Variants in CPLX4 observed in about 807,000 individuals in gnomAD.
CPLX4 encodes the protein complexin-4.
CPLX4 carries 17 observed loss-of-function variants against 16.1 expected under a neutral mutation model. The observed-to-expected ratio is 1.06, with a 90% confidence interval of 0.72 to 1.59. CPLX4 has a LOEUF of 1.59. CPLX4 is among the 40% of genes most tolerant of loss of function. CPLX4 has a pLI of 0.00. For missense variants in CPLX4, 193 were observed against 192.9 expected, an observed-to-expected ratio of 1.00 and a Z score of 0.00; for synonymous variants, 55 against 57.8, an observed-to-expected ratio of 0.95 and a Z score of 0.22.
intron 1 of CPLX4, among the ~76,000 whole-genome samples, chr18:59,317,275 G>C (rs990165773): frequency 6.6e-6 from 1 of 151,884 alleles, no homozygotes; most frequent in Non-Finnish European, 1.5e-5. Flanking sequence ...AAGAGTCCTG[G>C]TGGCAAAAAA....
intron 2 of CPLX4, among the ~76,000 whole-genome samples, chr18:59,299,475 GAA>G (rs2070524795): frequency 6.6e-6 from 1 of 152,198 alleles, no homozygotes; most frequent in East Asian, 1.9e-4. Context: ...GGGGCTAGAG[GAA>G]AGCGTGTCAG....
At position 59,313,444 on chromosome 18, in the gene CPLX4, G is replaced by C. The variant is rs80138173; in HGVS notation, c.168-672C>G. Among the ~76,000 whole-genome samples the C allele has an allele frequency of 9.4e-3, 1,430 of 152,302 alleles. 28 individuals carry two copies. The highest frequency in any genetic ancestry group is 0.033 in the African/African-American group (1,361 of 41,558). On this transcript the variant is annotated intron_variant, in intron 1 of 2. Coordinates refer to ENST00000299721, the MANE Select transcript of CPLX4 (RefSeq NM_181654.4). ...GTGTGAATGATCTAATTGAACTCAT[G>C]ATGTTGCTGGTTTGAAATGGACGTT...
chr18:59,311,886 A>T (rs969663336), intron 2 of CPLX4, among the ~76,000 whole-genome samples: 1 of 152,138 alleles, frequency 6.6e-6, no homozygotes, highest in African/African-American at 2.4e-5. Context: ...TACAGCAGTC[A>T]CCCTCAGCCA....
At chr18:59,313,262 G>A (rs2070630072) in intron 1 of CPLX4, among the ~76,000 whole-genome samples, 1 of 152,174 alleles carries the variant, frequency 6.6e-6, no homozygotes, top group Admixed American at 6.5e-5. Flanking sequence ...GTTCTTTGAA[G>A]ACCGTTGTTG....
intron 2 of CPLX4, among the ~76,000 whole-genome samples, chr18:59,307,700 G>A (rs2070586202): frequency 6.6e-6 from 1 of 151,360 alleles, no homozygotes; most frequent in African/African-American, 2.4e-5. Context: ...GCTCCTTAAT[G>A]AAGCATCTAG....
chr18:59,312,683 AC>A lies in CPLX4; in HGVS notation c.255+1del. 1 of 1,197,584 alleles carries A rather than the reference AC, an allele frequency of 8.4e-7. No homozygotes were observed. The highest frequency in any genetic ancestry group is 1.2e-5 in the South Asian group (1 of 82,692). The allele number at this position is 1,197,584 out of a possible 1,614,324, so 74.2% of individuals were successfully genotyped here. A position where few individuals can be genotyped will look rare whatever the true frequency, so the allele number is the denominator to read the frequency against. ...TGATTAGATGTTTCCAGAGTGTCTT[AC>A]CTTTGGGAGCCTGTATTTTTCTCTG... On this transcript the variant is annotated splice_donor_variant, in intron 2 of 2. Coordinates refer to ENST00000299721, the MANE Select transcript of CPLX4 (RefSeq NM_181654.4). LOFTEE classifies it high-confidence loss of function.
chr18:59,297,444 A>AT (rs35157146), intron 2 of CPLX4, among the ~76,000 whole-genome samples: 1 of 151,632 alleles, frequency 6.6e-6, no homozygotes, highest in Non-Finnish European at 1.5e-5. Context: ...CACTCAGCTG[A>AT]TTTTTTTGTA....
chr18:59,308,066 C>T (rs1399087842), intron 2 of CPLX4, among the ~76,000 whole-genome samples: 1 of 152,106 alleles, frequency 6.6e-6, no homozygotes, highest in Non-Finnish European at 1.5e-5. Flanking sequence ...GCGTGAGCCA[C>T]CGCGTCCGGC....
Position 59,296,448 on chromosome 18 carries a change from A to G in CPLX4, c.*250T>C. 1 of 537,880 alleles carries G rather than the reference A, an allele frequency of 1.9e-6. No individual in the cohort carries two copies. Among genetic ancestry groups the G allele is most frequent in the East Asian group, 3.4e-5 (1 of 29,818 alleles). 33.3% of individuals were successfully genotyped at this position (537,880 alleles called of 1,614,324 possible). A position where few individuals can be genotyped will look rare whatever the true frequency, so the allele number is the denominator to read the frequency against. Reference sequence around the variant, plus strand: ...TTTAAGCAGATATGTGTTCTGCATCATCATTTACAACTGAAATTTTCCAGT... The same window carrying G: ...TTTAAGCAGATATGTGTTCTGCATCGTCATTTACAACTGAAATTTTCCAGT... On this transcript the variant is annotated 3_prime_UTR_variant, in exon 3 of 3. Coordinates refer to ENST00000299721, the MANE Select transcript of CPLX4 (RefSeq NM_181654.4).
At chr18:59,301,507 T>C (rs1229950313) in intron 2 of CPLX4, among the ~76,000 whole-genome samples, 2 of 152,176 alleles carry the variant, frequency 1.3e-5, no homozygotes, top group Non-Finnish European at 2.9e-5. Context: ...TTGAAGCCAA[T>C]TACTCTGGGC....
intron 1 of CPLX4, 58 bp from the exon 2 acceptor site, chr18:59,312,830 C>T (rs1002531017): frequency 2.7e-5 from 23 of 844,620 alleles, no homozygotes; most frequent in Non-Finnish European, 4.0e-5. Context: ...CATTCCTGCC[C>T]GTGCTCAGAG....
intron 2 of CPLX4, among the ~76,000 whole-genome samples, chr18:59,302,171 C>T (rs965491789): frequency 1.3e-5 from 2 of 152,172 alleles, no homozygotes; most frequent in African/African-American, 4.8e-5. Context: ...AATGAACCAC[C>T]CTGCTGACAG....
intron 1 of CPLX4, among the ~76,000 whole-genome samples, chr18:59,313,571 G>T (rs867971894): frequency 6.6e-6 from 1 of 152,202 alleles, no homozygotes; most frequent in Non-Finnish European, 1.5e-5. Context: ...GTCCTTTATT[G>T]GTAGCTGAAT....
At chr18:59,303,730 C>T (rs1481861521) in intron 2 of CPLX4, among the ~76,000 whole-genome samples, 1 of 152,240 alleles carries the variant, frequency 6.6e-6, no homozygotes, top group African/African-American at 2.4e-5. Flanking sequence ...TGTGGCCAAG[C>T]AACACGTCTT....
At chr18:59,313,530 G>A (rs1345693656) in intron 1 of CPLX4, among the ~76,000 whole-genome samples, 3 of 152,212 alleles carry the variant, frequency 2.0e-5, no homozygotes, top group African/African-American at 4.8e-5. Context: ...AGGCTCACAA[G>A]CACCACCACC....
intron 2 of CPLX4, among the ~76,000 whole-genome samples, chr18:59,304,791 C>T (rs1301623242): frequency 1.3e-5 from 2 of 152,152 alleles, no homozygotes; most frequent in African/African-American, 2.4e-5. Flanking sequence ...AGGATCGTCT[C>T]GATCTCCTGA....
intron 1 of CPLX4, among the ~76,000 whole-genome samples, chr18:59,313,056 G>A (rs1021552680): frequency 2.0e-5 from 3 of 152,110 alleles, no homozygotes; most frequent in Non-Finnish European, 4.4e-5. Flanking sequence ...GGAGTTTTCC[G>A]TGGACTGTTC....
At chr18:59,297,468 C>T (rs1184500662) in intron 2 of CPLX4, among the ~76,000 whole-genome samples, 6 of 152,082 alleles carry the variant, frequency 3.9e-5, no homozygotes, top group East Asian at 1.9e-4. Flanking sequence ...TTAGTAGAGA[C>T]GGGGTTTCAC....
In CPLX4 at chr18:59,314,499, T is replaced by C. The variant is rs553785867; in HGVS notation, c.168-1727A>G. On this transcript the variant is annotated intron_variant, in intron 1 of 2. Coordinates refer to ENST00000299721, the MANE Select transcript of CPLX4 (RefSeq NM_181654.4). ...ACATGTTTGTTTATAGTTTCTCTTT[T>C]CTTCTTGTGAAGCAAAATTTGTATC... 1.8e-3 allele frequency among the ~76,000 whole-genome samples: 277 copies of C among 152,306 alleles called. 1 individual carries two copies. The highest frequency in any genetic ancestry group is 6.6e-3 in the African/African-American group (273 of 41,568).
Sources: allele counts gnomAD v4.1 joint callset (sites outside exome capture counted in the v4.1 genomes callset), GRCh38; gene constraint gnomAD v4.1.1; transcripts MANE v1.5; gene names NCBI Gene and HGNC (gene_info 2026-07-23, HGNC 2026-07-21).